Variants in GPC5 observed in about 807,000 individuals in gnomAD.
GPC5 encodes the protein glypican 5.
Under a neutral mutation model 53.9 loss-of-function variants are expected in GPC5, and 47 were observed. The observed-to-expected ratio is 0.87, with a 90% confidence interval of 0.69 to 1.11. The LOEUF is 1.11. Among genes scored for constraint, GPC5 ranks in the 50% most tolerant of loss-of-function variants. GPC5 has a pLI of 0.00. For missense variants in GPC5, 748 were observed against 713.1 expected (o/e 1.05, Z -0.56); for synonymous variants, 286 against 263.3 (o/e 1.09, Z -0.84).
intron 7 of GPC5, among the ~76,000 whole-genome samples, chr13:92,222,028 T>C (rs2042452964): frequency 6.6e-6 from 1 of 152,204 alleles, no homozygotes; most frequent in African/African-American, 2.4e-5. Context: ...GTTGGATTCT[T>C]GACCTTTTGC....
At chr13:91,686,326 C>T (rs555202650) in intron 2 of GPC5, among the ~76,000 whole-genome samples, 1 of 152,024 alleles carries the variant, frequency 6.6e-6, no homozygotes, top group Non-Finnish European at 1.5e-5. Context: ...GGCATTTTTC[C>T]ATACAGTGCT....
intron 2 of GPC5, among the ~76,000 whole-genome samples, chr13:91,563,019 T>C (rs2031353740): frequency 6.6e-6 from 1 of 152,160 alleles, no homozygotes; most frequent in Admixed American, 6.6e-5. Flanking sequence ...TTTTAAACTA[T>C]CATTTACTAT....
chr13:92,621,483 T>A (rs1199639059), intron 7 of GPC5, among the ~76,000 whole-genome samples: 2 of 152,126 alleles, frequency 1.3e-5, no homozygotes, highest in Non-Finnish European at 2.9e-5. Context: ...GTGACTGAAC[T>A]TTTGCCCAGA....
chr13:92,458,303 T>TGG (rs1357594343), intron 7 of GPC5, among the ~76,000 whole-genome samples: 73 of 66,330 alleles, frequency 1.1e-3, no homozygotes, highest in African/African-American at 3.5e-3. Context: ...ATTCTTTTTT[T>TGG]GGGGGGGGCA....
intron 7 of GPC5, among the ~76,000 whole-genome samples, chr13:92,272,093 G>A (rs1273896730): frequency 6.6e-6 from 1 of 152,094 alleles, no homozygotes; most frequent in Admixed American, 6.6e-5. Flanking sequence ...GCAGGGATGG[G>A]CACCTGCATC....
intron 7 of GPC5, among the ~76,000 whole-genome samples, chr13:92,161,289 A>G (rs748274837): frequency 1.3e-5 from 2 of 152,174 alleles, no homozygotes; most frequent in African/African-American, 2.4e-5. Context: ...TAACAAGCAT[A>G]CTAAATAATA....
chr13:91,487,592 G>A (rs527376288), intron 2 of GPC5, among the ~76,000 whole-genome samples: 1 of 152,122 alleles, frequency 6.6e-6, no homozygotes, highest in African/African-American at 2.4e-5. Flanking sequence ...GTATACCGTG[G>A]TGTTATATTT....
chr13:92,810,721 T>G (rs1566428369), intron 7 of GPC5, among the ~76,000 whole-genome samples: 3 of 151,912 alleles, frequency 2.0e-5, no homozygotes. Flanking sequence ...CACCTAGAAT[T>G]TTTATTTATT....
chr13:92,038,379 GATAGGTAGA>G lies in GPC5; in HGVS notation c.1402-106450_1402-106442del, dbSNP rs1566406912. Among the ~76,000 whole-genome samples, 894 of 127,070 alleles carry G rather than the reference GATAGGTAGA, an allele frequency of 7.0e-3. 13 individuals are homozygous for G. The highest frequency in any genetic ancestry group is 0.026 in the African/African-American group (859 of 33,592). The allele number at this position is 127,070 out of a possible 152,430, so 83.4% of individuals were successfully genotyped here. ...AGATAGATAGATAGATAGATAGATAGATAGGTAGATAGATAGATCGATCCCTGTTTGGGT... is the reference window on the plus strand; with the variant it reads ...AGATAGATAGATAGATAGATAGATAGTAGATAGATCGATCCCTGTTTGGGT... On this transcript the variant is annotated intron_variant, in intron 6 of 7. Coordinates refer to ENST00000377067, the MANE Select transcript of GPC5 (RefSeq NM_004466.6).
intron 7 of GPC5, among the ~76,000 whole-genome samples, chr13:92,465,351 T>C (rs1326375976): frequency 6.6e-6 from 1 of 152,082 alleles, no homozygotes; most frequent in East Asian, 1.9e-4. Context: ...TAGACATGAA[T>C]GAACTATGTA....
rs558842584 is a variant in GPC5, at chr13:92,577,277, C to T, written c.1562-289005C>T. 7.9e-5 allele frequency among the ~76,000 whole-genome samples: 12 copies of T among 152,256 alleles called. No homozygotes were observed. The South Asian group carries it at 8.3e-4, about 11-fold the overall frequency. ...TGACAAGACCTGCATTTCACCAACCCATTACCCCAGTCGTCAATCTCGCTT... is the reference window on the plus strand; with the variant it reads ...TGACAAGACCTGCATTTCACCAACCTATTACCCCAGTCGTCAATCTCGCTT... On this transcript the variant is annotated intron_variant, in intron 7 of 7. Transcript: ENST00000377067.
chr13:92,419,516 TAC>T (rs1876466690), intron 7 of GPC5, among the ~76,000 whole-genome samples: 1 of 152,208 alleles, frequency 6.6e-6, no homozygotes, highest in South Asian at 2.1e-4. Context: ...ATTTCTGAGC[TAC>T]AGTTTCCTCA....
intron 6 of GPC5, among the ~76,000 whole-genome samples, chr13:92,100,705 C>T (rs562711962): frequency 5.3e-5 from 8 of 152,318 alleles, no homozygotes; most frequent in Middle Eastern, 3.4e-3. Flanking sequence ...TTGTAGTCCA[C>T]TGTCATCTTT....
intron 5 of GPC5, among the ~76,000 whole-genome samples, chr13:91,897,235 GA>G (rs1161853214): frequency 6.6e-6 from 1 of 151,676 alleles, no homozygotes; most frequent in Admixed American, 6.6e-5. Flanking sequence ...TTTTCATTAA[GA>G]AAAAGTTATT....
At chr13:92,018,972 T>A (rs2138787375) in intron 6 of GPC5, among the ~76,000 whole-genome samples, 1 of 152,184 alleles carries the variant, frequency 6.6e-6, no homozygotes, top group East Asian at 1.9e-4. Context: ...TCTTCCTAAA[T>A]ATTGTTAGAT....
chr13:91,954,268 G>A (rs112281257), intron 6 of GPC5, among the ~76,000 whole-genome samples: 2,977 of 152,124 alleles, frequency 0.02, 87 homozygotes, highest in African/African-American at 0.068. Flanking sequence ...ATTAAAGAAT[G>A]TTAAAGAGAT....
At chr13:91,582,262 C>T (rs1036949084) in intron 2 of GPC5, among the ~76,000 whole-genome samples, 2 of 152,232 alleles carry the variant, frequency 1.3e-5, no homozygotes, top group African/African-American at 4.8e-5. Context: ...AATCTCAGTT[C>T]CTGATTATAT....
chr13:92,484,128 A>G (rs1879464618), intron 7 of GPC5, among the ~76,000 whole-genome samples: 1 of 152,118 alleles, frequency 6.6e-6, no homozygotes, highest in Admixed American at 6.6e-5. Flanking sequence ...ACACAGTGAT[A>G]CCCTGTTTCA....
At chr13:91,617,827 C>A (rs1370082166) in intron 2 of GPC5, among the ~76,000 whole-genome samples, 1 of 152,094 alleles carries the variant, frequency 6.6e-6, no homozygotes, top group Non-Finnish European at 1.5e-5. Flanking sequence ...CCAGGCTTTG[C>A]AAGTCATCTA....
Sources: gnomAD v4.1 joint callset for allele counts (sites outside exome capture counted in the v4.1 genomes callset) on GRCh38, gnomAD v4.1.1 for gene constraint, MANE v1.5 for transcripts, NCBI Gene and HGNC (gene_info 2026-07-23, HGNC 2026-07-21) for gene names.